Variants in RPS23 observed in about 807,000 individuals in gnomAD.
The protein encoded by RPS23 is small ribosomal subunit protein uS12.
For missense variants in RPS23, 73 were observed against 174.5 expected (o/e 0.42, Z 3.28); for synonymous variants, 66 against 60.4 (o/e 1.09, Z -0.43).
intron 2 of RPS23, chr5:82,276,731 G>A: frequency 1.7e-6 from 1 of 597,126 alleles, no homozygotes; most frequent in Non-Finnish European, 2.9e-6. Context: ...AGTTATAAAA[G>A]TAGACTGGAG....
intron 1 of RPS23, 172 bp downstream of exon 1, chr5:82,278,148 C>CA: frequency 1.1e-6 from 1 of 884,162 alleles, no homozygotes; most frequent in South Asian, 1.7e-5. Context: ...CTCCACGCCT[C>CA]ATGGGCCCCT....
At chr5:82,277,420 A>C (rs1747891298) in intron 2 of RPS23, 1 of 450,882 alleles carries the variant, frequency 2.2e-6, no homozygotes. Context: ...AACAACTCCC[A>C]CAGTAAAGGT....
In RPS23 at chr5:82,275,825, A is replaced by G; in HGVS notation, c.*284T>C. 7.6e-6 allele frequency: 3 copies of G among 395,398 alleles called. No homozygotes were observed. Among genetic ancestry groups the G allele is most frequent in the Non-Finnish European group, 1.4e-5 (3 of 221,894 alleles). 24.5% of individuals were successfully genotyped at this position (395,398 alleles called of 1,614,324 possible). A position where few individuals can be genotyped will look rare whatever the true frequency, so the allele number is the denominator to read the frequency against. ...AAAGTTCTTAAAGTAATACTACAAT[A>G]CTGCACATTTATTCCAGATCTATCC... is the stretch of plus-strand genomic sequence containing the variant. On this transcript the variant is annotated 3_prime_UTR_variant, in exon 4 of 4. Coordinates refer to ENST00000296674, the MANE Select transcript of RPS23 (RefSeq NM_001025.5).
At position 82,275,189 on chromosome 5, in the gene RPS23, G is replaced by T. The variant is rs576619519; in HGVS notation, c.*920C>A. On this transcript the variant is annotated 3_prime_UTR_variant, in exon 4 of 4. Coordinates refer to ENST00000296674, the MANE Select transcript of RPS23 (RefSeq NM_001025.5). ...TGTAAAGCTAGGCTTTGATCAAAGGGCTAATTAACCCATACTTACTATTTG... is the reference window on the plus strand; with the variant it reads ...TGTAAAGCTAGGCTTTGATCAAAGGTCTAATTAACCCATACTTACTATTTG... 5.7e-6 allele frequency: 4 copies of T among 702,066 alleles called. No homozygotes were observed. The Admixed American group carries it at 8.0e-5, about 14-fold the overall frequency. 43.5% of individuals were successfully genotyped at this position (702,066 alleles called of 1,614,324 possible). A position where few individuals can be genotyped will look rare whatever the true frequency, so the allele number is the denominator to read the frequency against.
rs1274761506 is a variant in RPS23, at chr5:82,274,966, G to A, written c.*1143C>T. The A allele has an allele frequency of 2.7e-5, 13 of 479,096 alleles. No homozygotes were observed. The East Asian group carries it at 4.6e-4, about 17-fold the overall frequency. The allele number at this position is 479,096 out of a possible 1,614,324, so 29.7% of individuals were successfully genotyped here. A position where few individuals can be genotyped will look rare whatever the true frequency, so the allele number is the denominator to read the frequency against. ...AACAGAGGTCCTGAGGCTGGATATGGAACCCAAGTTTGAGGATGACCAACT... is the reference window on the plus strand; with the variant it reads ...AACAGAGGTCCTGAGGCTGGATATGAAACCCAAGTTTGAGGATGACCAACT... On this transcript the variant is annotated 3_prime_UTR_variant, in exon 4 of 4. Transcript: ENST00000296674.
intron 2 of RPS23, 139 bp downstream of exon 2, chr5:82,277,554 C>T (rs1001150651): frequency 4.6e-6 from 4 of 860,602 alleles, no homozygotes; most frequent in Admixed American, 2.2e-5. Context: ...ATAGAACAAA[C>T]GCTTTGCAAT....
intron 2 of RPS23, chr5:82,276,857 AAG>A (rs1491075504): frequency 9.1e-5 from 13 of 142,580 alleles, no homozygotes; most frequent in Non-Finnish European, 1.3e-4. Context: ...AAAAAAAAAA[AAG>A]AAAAAAGAAA....
chr5:82,277,706 C>T lies in RPS23; in HGVS notation c.151G>A (p.Val51Met). 6.2e-7 allele frequency: 1 copy of T among 1,613,940 alleles called. No individual in the cohort carries two copies. The highest frequency in any genetic ancestry group is 8.5e-7 in the Non-Finnish European group (1 of 1,179,866). The stretch of plus-strand genomic sequence containing the variant: ...CAATGGACTTACACTTTTTCCAGCA[C>T]GATTCCTTTTGCATGAGAAGCACCT... ...FGGASHAKGI[V>M]LEKVGVEAKQ... is the part of the protein sequence containing the mutation. Residue 51 changes from valine to methionine, a missense_variant, in exon 2 of 4, where the codon GTG becomes ATG. By Grantham distance (21) the Val-to-Met change is conservative. Transcript: ENST00000296674.
chr5:82,274,201 C>G lies in RPS23; in HGVS notation c.*1908G>C, dbSNP rs1561387997. 6.6e-6 allele frequency: 1 copy of G among 152,140 alleles called. No individual in the cohort carries two copies. Among genetic ancestry groups the G allele is most frequent in the Non-Finnish European group, 1.5e-5 (1 of 68,036 alleles). The allele number at this position is 152,140 out of a possible 1,614,324, so 9.4% of individuals were successfully genotyped here. ...TTCTGAATGTCTATTTATGGATTCCCTATCTTATTTTATTGATGTGTATTT... is the reference window on the plus strand; with the variant it reads ...TTCTGAATGTCTATTTATGGATTCCGTATCTTATTTTATTGATGTGTATTT... On this transcript the variant is annotated 3_prime_UTR_variant, in exon 4 of 4. Coordinates refer to ENST00000296674, the MANE Select transcript of RPS23 (RefSeq NM_001025.5).
Position 82,274,776 on chromosome 5 carries a change from C to G in RPS23, c.*1333G>C. ...TGGGAACAGCTTAGCCAAATACTGA[C>G]TGCAGCTACACGTTAGGAAACACTG... On this transcript the variant is annotated 3_prime_UTR_variant, in exon 4 of 4. Coordinates refer to ENST00000296674, the MANE Select transcript of RPS23 (RefSeq NM_001025.5). 5.8e-6 allele frequency: 1 copy of G among 173,066 alleles called. No homozygotes were observed. The highest frequency in any genetic ancestry group is 1.2e-5 in the Non-Finnish European group (1 of 80,678). 10.7% of individuals were successfully genotyped at this position (173,066 alleles called of 1,614,324 possible). A position where few individuals can be genotyped will look rare whatever the true frequency, so the allele number is the denominator to read the frequency against.
At chr5:82,277,330 TTC>T (rs1310832998) in intron 2 of RPS23, 1 of 310,378 alleles carries the variant, frequency 3.2e-6, no homozygotes, top group Non-Finnish European at 6.1e-6. Flanking sequence ...CCTCAATTAA[TTC>T]TGATGCAAGT....
In RPS23 at chr5:82,275,200, CAT is replaced by C; in HGVS notation, c.*907_*908del. 1 of 702,462 alleles carries C rather than the reference CAT, an allele frequency of 1.4e-6. No individual in the cohort carries two copies. Among genetic ancestry groups the C allele is most frequent in the South Asian group, 1.5e-5 (1 of 67,546 alleles). 43.5% of individuals were successfully genotyped at this position (702,462 alleles called of 1,614,324 possible). A position where few individuals can be genotyped will look rare whatever the true frequency, so the allele number is the denominator to read the frequency against. On this transcript the variant is annotated 3_prime_UTR_variant, in exon 4 of 4. Coordinates refer to ENST00000296674, the MANE Select transcript of RPS23 (RefSeq NM_001025.5). ...GCTTTGATCAAAGGGCTAATTAACC[CAT>C]ACTTACTATTTGTTAACAGGAGTTT...
intron 1 of RPS23, 45 bp downstream of exon 1, chr5:82,278,275 C>A (rs752020662): frequency 1.2e-6 from 2 of 1,603,194 alleles, no homozygotes; most frequent in South Asian, 2.2e-5. Flanking sequence ...CCCCAAGACC[C>A]CAAGTCCCGC....
intron 2 of RPS23, 138 bp from the exon 3 acceptor site, chr5:82,276,656 T>C: frequency 9.8e-7 from 1 of 1,015,438 alleles, no homozygotes; most frequent in Non-Finnish European, 1.4e-6. Flanking sequence ...TCCTGTGATG[T>C]CAACCTAGTT....
rs1381111928 is a variant in RPS23, at chr5:82,275,356, C to G, written c.*753G>C. ...GTACTCAATACCTAGCTTAAATTAT[C>G]AAAACACAACCAATCTTGTCTCTAC... On this transcript the variant is annotated 3_prime_UTR_variant, in exon 4 of 4. Coordinates refer to ENST00000296674, the MANE Select transcript of RPS23 (RefSeq NM_001025.5). The G allele has an allele frequency of 1.4e-6, 1 of 701,984 alleles. No individual in the cohort carries two copies. Among genetic ancestry groups the G allele is most frequent in the South Asian group, 1.5e-5 (1 of 67,444 alleles). 43.5% of individuals were successfully genotyped at this position (701,984 alleles called of 1,614,324 possible). A position where few individuals can be genotyped will look rare whatever the true frequency, so the allele number is the denominator to read the frequency against.
At chr5:82,277,579 C>T (rs1192849024) in intron 2 of RPS23, 114 bp downstream of exon 2, 10 of 1,063,226 alleles carry the variant, frequency 9.4e-6, no homozygotes, top group Non-Finnish European at 1.4e-5. Context: ...CCCCACAATG[C>T]CCAAATGAAT....
chr5:82,278,163 C>T (rs1025082531), intron 1 of RPS23, 157 bp downstream of exon 1: 3 of 988,902 alleles, frequency 3.0e-6, no homozygotes, highest in Non-Finnish European at 4.5e-6. Flanking sequence ...GCCCCTTCCG[C>T]GCCGGACCAC....
At chr5:82,277,958 T>G (rs1747961127) in intron 1 of RPS23, 106 bp from the exon 2 acceptor site, 2 of 1,031,686 alleles carry the variant, frequency 1.9e-6, no homozygotes, top group South Asian at 3.1e-5. Context: ...GCCGATTGGC[T>G]CTCGTACTAT....
In RPS23 at chr5:82,273,798, TA is replaced by T. The variant is rs1255431567; in HGVS notation, c.*2310del. 1 of 152,196 alleles carries T rather than the reference TA, an allele frequency of 6.6e-6. No individual in the cohort carries two copies. Among genetic ancestry groups the T allele is most frequent in the Admixed American group, 6.5e-5 (1 of 15,278 alleles). The allele number at this position is 152,196 out of a possible 1,614,324, so 9.4% of individuals were successfully genotyped here. A position where few individuals can be genotyped will look rare whatever the true frequency, so the allele number is the denominator to read the frequency against. On this transcript the variant is annotated 3_prime_UTR_variant, in exon 4 of 4. Coordinates refer to ENST00000296674, the MANE Select transcript of RPS23 (RefSeq NM_001025.5). ...TCTTGAACTCCTGGCCTCAAGCTAT[TA>T]ATTTCTTCCCAACTCAGCCTCCCAA...
Sources: gnomAD v4.1 joint callset for allele counts on GRCh38, gnomAD v4.1.1 for gene constraint, MANE v1.5 for transcripts, NCBI Gene and HGNC (gene_info 2026-07-23, HGNC 2026-07-21) for gene names.